Variants in PHLDB1 observed in about 807,000 individuals in gnomAD.
PHLDB1 encodes pleckstrin homology like domain family B member 1.
A neutral mutation model predicts 139.3 loss-of-function variants in PHLDB1; 65 were observed. That is an observed-to-expected ratio of 0.47 (90% CI 0.38 to 0.57). PHLDB1 has a LOEUF of 0.57. PHLDB1 is among the 20% of genes least tolerant of loss of function. PHLDB1 has a pLI of 0.00. For synonymous variants in PHLDB1, 679 were observed against 734.5 expected (o/e 0.92, Z 1.22); for missense variants, 1,624 against 1,839.7 (o/e 0.88, Z 2.14).
intron 5 of PHLDB1, among the ~76,000 whole-genome samples, chr11:118,626,352 A>G (rs1351610102): frequency 3.3e-5 from 5 of 151,090 alleles, no homozygotes; most frequent in African/African-American, 4.9e-5. Flanking sequence ...GCAGGCGCCC[A>G]TCTTCTTTGT....
chr11:118,609,169 C>T (rs550358365), intron 1 of PHLDB1, among the ~76,000 whole-genome samples: 38 of 146,482 alleles, frequency 2.6e-4, no homozygotes, highest in African/African-American at 8.6e-4. Flanking sequence ...ACAAGCAGCC[C>T]GTCACACACA....
rs141969956 is a variant in PHLDB1 at position 118,627,434 on chromosome 11, T to A, written c.611T>A (p.Leu204Gln). 6.2e-7 allele frequency: 1 copy of A among 1,614,184 alleles called. No homozygotes were observed. The highest frequency in any genetic ancestry group is 8.5e-7 in the Non-Finnish European group (1 of 1,180,024). The change falls in exon 6 of 23, where the codon CTG becomes CAG. Residue 204 changes from leucine (L) to glutamine (Q), a missense_variant. Transcript: ENST00000600882. ...EKDLQEIMDS[L>Q]VLEEPGAAGK... ...GACCTGCAAGAGATCATGGACTCACTGGTGCTAGAGGAGCCTGGAGCTGCT... is the reference window on the plus strand; with the variant it reads ...GACCTGCAAGAGATCATGGACTCACAGGTGCTAGAGGAGCCTGGAGCTGCT...
chr11:118,627,637 C>T lies in PHLDB1; in HGVS notation c.814C>T (p.Pro272Ser). 1 of 1,612,624 alleles carries T rather than the reference C, an allele frequency of 6.2e-7. No homozygotes were observed. Among genetic ancestry groups the T allele is most frequent in the Non-Finnish European group, 8.5e-7 (1 of 1,180,030 alleles). ...ASSGSCASHSPSGQEPGPSVP... is the reference protein window; with the variant it reads ...ASSGSCASHSSSGQEPGPSVP... ...CAGTGGAAGCTGTGCCAGTCACTCA[C>T]CCAGTGGGCAAGAGCCAGGACCTTC... is the stretch of plus-strand genomic sequence containing the variant. The change falls in exon 6 of 23, where the codon CCC becomes TCC. Residue 272 changes from proline to serine, a missense_variant. Transcript: ENST00000600882.
chr11:118,609,376 C>T (rs1313479883), intron 1 of PHLDB1, among the ~76,000 whole-genome samples: 1 of 148,142 alleles, frequency 6.8e-6, no homozygotes, highest in Non-Finnish European at 1.5e-5. Flanking sequence ...ACACACACAG[C>T]TCAGCTCAAT....
intron 1 of PHLDB1, among the ~76,000 whole-genome samples, chr11:118,612,156 C>T (rs982119465): frequency 1.5e-5 from 2 of 132,960 alleles, no homozygotes; most frequent in African/African-American, 5.7e-5. Context: ...TTATTTTTTT[C>T]CATTACTCTA....
At chr11:118,637,460 G>C (rs1027488140) in intron 10 of PHLDB1, 1 of 152,308 alleles carries the variant, frequency 6.6e-6, no homozygotes, top group Non-Finnish European at 1.5e-5. Flanking sequence ...TCCTGCCTCA[G>C]CCTCTCAAGT....
chr11:118,622,990 A>T (rs1555096568), intron 4 of PHLDB1, among the ~76,000 whole-genome samples: 2 of 152,170 alleles, frequency 1.3e-5, no homozygotes, highest in Non-Finnish European at 2.9e-5. Flanking sequence ...GTTATCTGCC[A>T]TGGGCTTCTC....
At chr11:118,655,160 T>C (rs1948866326) in intron 20 of PHLDB1, 1 of 166,760 alleles carries the variant, frequency 6.0e-6, no homozygotes, top group African/African-American at 2.4e-5. Context: ...TAATCTTGTG[T>C]GTGTTACTTT....
chr11:118,618,082 T>C (rs1436038648), intron 4 of PHLDB1, among the ~76,000 whole-genome samples: 2 of 152,140 alleles, frequency 1.3e-5, no homozygotes, highest in Non-Finnish European at 2.9e-5. Flanking sequence ...AGGGCTAAGA[T>C]GGAATTCTGA....
rs574887121 is a variant in PHLDB1, at chr11:118,647,752, T to G, written c.3508-178T>G. ...GGGTTTGAAGTCAGGACAGTCATGCTTAAAGCATTTCTCTTTAACCAGCCA... is the reference window on the plus strand; with the variant it reads ...GGGTTTGAAGTCAGGACAGTCATGCGTAAAGCATTTCTCTTTAACCAGCCA... On this transcript the variant is annotated intron_variant, in intron 17 of 22. Transcript: ENST00000600882. The G allele has an allele frequency of 2.1e-5, 13 of 629,898 alleles. No homozygotes were observed. In the South Asian group the frequency reaches 2.7e-4, roughly 13 times the overall value. 39.0% of individuals were successfully genotyped at this position (629,898 alleles called of 1,614,324 possible).
chr11:118,612,159 T>C (rs1940564522), intron 1 of PHLDB1, among the ~76,000 whole-genome samples: 1 of 149,312 alleles, frequency 6.7e-6, no homozygotes, highest in South Asian at 2.2e-4. Context: ...TTTTTTTCCA[T>C]TACTCTAGTT....
At chr11:118,637,855 T>C (rs1945893387) in intron 10 of PHLDB1, 1 of 152,234 alleles carries the variant, frequency 6.6e-6, no homozygotes. Flanking sequence ...ACATGATTGT[T>C]GAGCCAGGTA....
chr11:118,614,308 T>A (rs941853149), intron 2 of PHLDB1, among the ~76,000 whole-genome samples: 7 of 127,748 alleles, frequency 5.5e-5, no homozygotes, highest in Non-Finnish European at 9.5e-5. Flanking sequence ...CTTGCTTCTG[T>A]TTTAATAGAC....
At position 118,644,239 on chromosome 11, in the gene PHLDB1, C is replaced by T. The variant is rs1475849789; in HGVS notation, c.3121+65C>T. The T allele has an allele frequency of 1.2e-5, 13 of 1,087,626 alleles. No homozygotes were observed. In the Admixed American group the frequency reaches 2.1e-4, roughly 17 times the overall value. 67.4% of individuals were successfully genotyped at this position (1,087,626 alleles called of 1,614,324 possible). On this transcript the variant is annotated intron_variant, in intron 15 of 22. Coordinates refer to ENST00000600882, the MANE Select transcript of PHLDB1 (RefSeq NM_001144758.3). ...GGACCCTGGGTAGTTGCCATGCCTC[C>T]TCTATGCTCACACCTTTCACAGGAT...
In PHLDB1 at chr11:118,613,797, C is replaced by T. The variant is rs782039988; in HGVS notation, c.-21-19C>T. 3 of 1,567,246 alleles carry T rather than the reference C, an allele frequency of 1.9e-6. No homozygotes were observed. Among genetic ancestry groups the T allele is most frequent in the East Asian group, 2.2e-5 (1 of 44,520 alleles). ...CTGCCCTGGCCTCCCCACTCACCAC[C>T]TTTCTGCTGTGTCCCTAGGAGCTCT... On this transcript the variant is annotated intron_variant, in intron 1 of 22. Coordinates refer to ENST00000600882, the MANE Select transcript of PHLDB1 (RefSeq NM_001144758.3).
intron 3 of PHLDB1, 124 bp downstream of exon 3, chr11:118,614,806 C>A: frequency 1.1e-6 from 1 of 935,068 alleles, no homozygotes; most frequent in Non-Finnish European, 1.6e-6. Flanking sequence ...CCTCCCCACA[C>A]CACCAGCTTG....
intron 20 of PHLDB1, chr11:118,652,545 GA>G (rs1169176037): frequency 6.6e-6 from 1 of 152,230 alleles, no homozygotes; most frequent in Non-Finnish European, 1.5e-5. Flanking sequence ...ATTAATCTTT[GA>G]AATAATCCTA....
In PHLDB1 at chr11:118,628,547, G is replaced by A. The variant is rs782347426; in HGVS notation, c.1724G>A (p.Arg575Gln). The A allele has an allele frequency of 3.2e-5, 52 of 1,613,046 alleles. No homozygotes were observed. The highest frequency in any genetic ancestry group is 3.3e-5 in the Admixed American group (2 of 60,014). ...TTGCGGGTGCCTGTCACAAGGGAGC[G>A]GAAAAATAGCATCACAGAGATCAGT... ...GDLRVPVTRE[R>Q]KNSITEISDN... is the part of the protein sequence containing the mutation. The change falls in exon 6 of 23, where the codon CGG (arginine) becomes CAG (glutamine). Residue 575 changes from arginine to glutamine, a missense_variant. Physicochemically the swap from Arg to Gln is conservative, Grantham distance 43. Coordinates refer to ENST00000600882, the MANE Select transcript of PHLDB1 (RefSeq NM_001144758.3).
chr11:118,616,200 G>C lies in PHLDB1; in HGVS notation c.344G>C (p.Arg115Pro). 1.2e-6 allele frequency: 2 copies of C among 1,613,762 alleles called. No individual in the cohort carries two copies. Among genetic ancestry groups the C allele is most frequent in the Non-Finnish European group, 1.7e-6 (2 of 1,179,884 alleles). ...GGGCTCCCTGTCCGGCAGCCTACCC[G>C]GCTCACTCAGGGTAAGGCTGGACAC... Reference protein sequence around the residue: ...IDGLPVRQPTRLTQGCMLCLG... With the variant: ...IDGLPVRQPTPLTQGCMLCLG... Residue 115 changes from arginine to proline, a missense_variant, in exon 4 of 23, where the codon CGG (arginine) becomes CCG (proline). Transcript: ENST00000600882.
Sources: gnomAD v4.1 joint callset for allele counts (sites outside exome capture counted in the v4.1 genomes callset) on GRCh38, gnomAD v4.1.1 for gene constraint, MANE v1.5 for transcripts, NCBI Gene and HGNC (gene_info 2026-07-23, HGNC 2026-07-21) for gene names.